The following ANKS1B variants were observed in gnomAD, a reference collection of about 807,000 sequenced individuals.
The protein encoded by ANKS1B is ankyrin repeat and sterile alpha motif domain-containing protein 1B.
ANKS1B carries 36 observed loss-of-function variants against 148.3 expected under a neutral mutation model. The observed-to-expected ratio is 0.24, with a 90% CI of 0.19 to 0.32. The LOEUF (loss-of-function observed/expected upper bound fraction) is 0.32, where lower values mean the gene tolerates loss of function less well. ANKS1B is among the 10% of genes least tolerant of loss of function. The pLI, the probability that ANKS1B is intolerant of heterozygous loss-of-function variation, is 1.00. For missense variants in ANKS1B, 1,157 were observed against 1,542.6 expected (o/e 0.75, Z 4.19); for synonymous variants, 542 against 560.8 (o/e 0.97, Z 0.47).
At chr12:99,546,755 G>A (rs1208359588) in intron 9 of ANKS1B, among the ~76,000 whole-genome samples, 7 of 152,082 alleles carry the variant, frequency 4.6e-5, no homozygotes, top group Non-Finnish European at 7.4e-5. Context: ...TGGTCAGAAC[G>A]AATGGAAGGG....
At chr12:99,878,360 C>T (rs1003596740) in intron 1 of ANKS1B, among the ~76,000 whole-genome samples, 8 of 152,074 alleles carry the variant, frequency 5.3e-5, no homozygotes, top group Non-Finnish European at 1.2e-4. Context: ...TTTAGCTTTC[C>T]GGCCTCTACA....
intron 1 of ANKS1B, among the ~76,000 whole-genome samples, chr12:99,917,042 A>G (rs959069864): frequency 3.1e-4 from 47 of 152,216 alleles, no homozygotes; most frequent in African/African-American, 1.1e-3. Flanking sequence ...GCACTGTTCT[A>G]AAGGACAGTG....
intron 9 of ANKS1B, among the ~76,000 whole-genome samples, chr12:99,597,985 T>C (rs1241222529): frequency 6.6e-6 from 1 of 151,986 alleles, no homozygotes; most frequent in Admixed American, 6.6e-5. Flanking sequence ...CAGTAAAAAC[T>C]GAAATAGGGG....
rs1182264550 is a variant in ANKS1B, at chr12:98,769,165, C to CTTTTTTTTTTTTTT, written c.3579+3863_3579+3876dup. 3.7e-3 allele frequency among the ~76,000 whole-genome samples: 154 copies of CTTTTTTTTTTTTTT among 41,240 alleles called. 35 individuals carry two copies. Among genetic ancestry groups the CTTTTTTTTTTTTTT allele is most frequent in the Admixed American group, 8.2e-3 (19 of 2,330 alleles). 27.1% of individuals were successfully genotyped at this position (41,240 alleles called of 152,430 possible). A position where few individuals can be genotyped will look rare whatever the true frequency, so the allele number is the denominator to read the frequency against. On this transcript the variant is annotated intron_variant, in intron 25 of 26. Transcript: ENST00000683438. ...TTGAGGTATTATAGGGTCTTCTTTA[C>CTTTTTTTTTTTTTT]TTTTTTTTTTTTTTTTTTTTTTTTT...
intron 12 of ANKS1B, among the ~76,000 whole-genome samples, chr12:99,382,988 C>G (rs2093706162): frequency 6.6e-6 from 1 of 151,930 alleles, no homozygotes; most frequent in South Asian, 2.1e-4. Flanking sequence ...CTAGCTTTCA[C>G]AGTCAATCAA....
chr12:99,036,151 A>G (rs1341391550), intron 17 of ANKS1B, among the ~76,000 whole-genome samples: 1 of 152,036 alleles, frequency 6.6e-6, no homozygotes, highest in African/African-American at 2.4e-5. Flanking sequence ...CGACTGCAGC[A>G]GCATAAGAAG....
chr12:99,667,335 C>T (rs11109983), intron 8 of ANKS1B, among the ~76,000 whole-genome samples: 21,259 of 147,146 alleles, frequency 0.14, 2,146 homozygotes, highest in East Asian at 0.46. Context: ...GGTGACAGAG[C>T]GAGACTCTGT....
At chr12:99,779,831 A>G in intron 6 of ANKS1B, 40 bp downstream of exon 6, 2 of 1,472,276 alleles carry the variant, frequency 1.4e-6, no homozygotes, top group Non-Finnish European at 1.9e-6. Context: ...ATCTCATCTT[A>G]ACTTTAAGGC....
At chr12:99,577,342 C>G (rs574733107) in intron 9 of ANKS1B, among the ~76,000 whole-genome samples, 8 of 150,028 alleles carry the variant, frequency 5.3e-5, no homozygotes, top group Admixed American at 5.3e-4. Flanking sequence ...TAAAAGCAAA[C>G]CAACCCCGAT....
At chr12:99,584,603 G>A (rs948852606) in intron 9 of ANKS1B, among the ~76,000 whole-genome samples, 12 of 150,320 alleles carry the variant, frequency 8.0e-5, no homozygotes, top group African/African-American at 3.0e-4. Flanking sequence ...TTTTGAGAGA[G>A]AAATATATAT....
intron 12 of ANKS1B, among the ~76,000 whole-genome samples, chr12:99,380,382 CT>C (rs1472040814): frequency 6.6e-6 from 1 of 151,652 alleles, no homozygotes; most frequent in Non-Finnish European, 1.5e-5. Context: ...AGTTAAAAAA[CT>C]TTTTTGAGCT....
At chr12:99,808,252 C>T (rs140997909) in intron 3 of ANKS1B, among the ~76,000 whole-genome samples, 210 of 152,034 alleles carry the variant, frequency 1.4e-3, no homozygotes, top group African/African-American at 4.2e-3. Context: ...TCTTAATGTT[C>T]TAGAAAGTAA....
chr12:99,894,725 ACT>A (rs1415917844), intron 1 of ANKS1B, among the ~76,000 whole-genome samples: 1 of 149,144 alleles, frequency 6.7e-6, no homozygotes, highest in Non-Finnish European at 1.5e-5. Context: ...ATTTCACCCC[ACT>A]CTGTGATCCA....
At chr12:99,215,736 T>C (rs1410244326) in intron 14 of ANKS1B, among the ~76,000 whole-genome samples, 1 of 152,256 alleles carries the variant, frequency 6.6e-6, no homozygotes, top group Non-Finnish European at 1.5e-5. Flanking sequence ...ACCCAATGCC[T>C]GTACCCTCAT....
At chr12:98,892,320 A>C (rs1262758830) in intron 17 of ANKS1B, among the ~76,000 whole-genome samples, 1 of 152,238 alleles carries the variant, frequency 6.6e-6, no homozygotes, top group Admixed American at 6.5e-5. Flanking sequence ...TTATTCAATG[A>C]ATGGTGCAAT....
chr12:99,884,632 T>C (rs2092722797), intron 1 of ANKS1B, among the ~76,000 whole-genome samples: 1 of 152,110 alleles, frequency 6.6e-6, no homozygotes. Flanking sequence ...AAGTCAAAGA[T>C]GACAGATGTA....
chr12:99,318,102 T>A (rs1023906877), intron 12 of ANKS1B, among the ~76,000 whole-genome samples: 5 of 152,240 alleles, frequency 3.3e-5, no homozygotes, highest in Non-Finnish European at 5.9e-5. Context: ...TCATTGTTCA[T>A]CAGGAATATT....
intron 12 of ANKS1B, among the ~76,000 whole-genome samples, chr12:99,329,035 A>C (rs1249095583): frequency 6.6e-6 from 1 of 151,966 alleles, no homozygotes; most frequent in Non-Finnish European, 1.5e-5. Flanking sequence ...GAAAATATCA[A>C]AAATAAAACT....
chr12:99,155,985 A>G (rs1218627687), intron 14 of ANKS1B, among the ~76,000 whole-genome samples: 1 of 152,208 alleles, frequency 6.6e-6, no homozygotes, highest in Non-Finnish European at 1.5e-5. Context: ...AAATTTAAAG[A>G]TAACTCTCTC....
Sources: allele counts gnomAD v4.1 joint callset (sites outside exome capture counted in the v4.1 genomes callset), GRCh38; gene constraint gnomAD v4.1.1; transcripts MANE v1.5; gene names NCBI Gene and HGNC (gene_info 2026-07-23, HGNC 2026-07-21).